The following RAPGEF6 variants were observed in gnomAD, a reference collection of about 807,000 sequenced individuals.
The protein encoded by RAPGEF6 is Rap guanine nucleotide exchange factor 6.
A neutral mutation model predicts 171.4 loss-of-function variants in RAPGEF6; 56 were observed. The ratio of observed to expected loss-of-function variants is 0.33; its 90% CI spans 0.26 to 0.41. RAPGEF6 has a LOEUF of 0.41. Ranked by LOEUF, RAPGEF6 falls within the 10% of genes least tolerant of loss-of-function variation. The pLI is 1.00. For missense variants in RAPGEF6, 1,674 were observed against 1,921.4 expected, an observed-to-expected ratio of 0.87 and a Z score of 2.41; for synonymous variants, 692 against 650.1, an observed-to-expected ratio of 1.06 and a Z score of -0.98.
intron 21 of RAPGEF6, among the ~76,000 whole-genome samples, chr5:131,451,481 T>G (rs1753068337): frequency 6.6e-6 from 1 of 151,542 alleles, no homozygotes; most frequent in Admixed American, 6.6e-5. Flanking sequence ...CCCAGTTACT[T>G]GGGAGGCTGA....
At chr5:131,537,732 A>G (rs1176904513) in intron 6 of RAPGEF6, among the ~76,000 whole-genome samples, 1 of 152,212 alleles carries the variant, frequency 6.6e-6, no homozygotes, top group Non-Finnish European at 1.5e-5. Context: ...CTCTGTGTCC[A>G]TGGGTTCTGT....
rs540781378 is a variant in RAPGEF6, at chr5:131,577,183, C to T, written c.282-15136G>A. ...TTGACCTTCCCACCTCTATACAGTC[C>T]GATAACGGACCGGCCTTCATTAGTC... is the stretch of plus-strand genomic sequence containing the variant. On this transcript the variant is annotated intron_variant, in intron 4 of 27. Coordinates refer to ENST00000509018, the MANE Select transcript of RAPGEF6 (RefSeq NM_016340.6). Among the ~76,000 whole-genome samples, 7 of 152,262 alleles carry T rather than the reference C, an allele frequency of 4.6e-5. No individual in the cohort carries two copies. In the East Asian group the frequency reaches 7.7e-4, roughly 17 times the overall value.
Position 131,566,092 on chromosome 5 carries a change from A to T in RAPGEF6, c.282-4045T>A, listed in dbSNP as rs182947890. 3.1e-3 allele frequency among the ~76,000 whole-genome samples: 469 copies of T among 151,974 alleles called. 1 individual carries two copies. The highest frequency in any genetic ancestry group is 0.011 in the African/African-American group (448 of 41,436). The stretch of plus-strand genomic sequence containing the variant: ...TGCCTGGGAGGTCCAGGCTGCAGTG[A>T]GCCATGAGCATGCCACTGCACTCCA... On this transcript the variant is annotated intron_variant, in intron 4 of 27. Transcript: ENST00000509018.
intron 16 of RAPGEF6, among the ~76,000 whole-genome samples, chr5:131,479,284 C>T (rs1238040723): frequency 2.0e-5 from 3 of 151,922 alleles, no homozygotes; most frequent in Non-Finnish European, 4.4e-5. Flanking sequence ...ATAAAATGGA[C>T]AGTCTTTCCC....
chr5:131,562,483 T>TA (rs58823053), intron 4 of RAPGEF6, among the ~76,000 whole-genome samples: 4,189 of 152,160 alleles, frequency 0.028, 207 homozygotes, highest in African/African-American at 0.095. Flanking sequence ...ATACTAAAAA[T>TA]AAAAAAACTT....
intron 7 of RAPGEF6, among the ~76,000 whole-genome samples, chr5:131,520,348 T>C (rs1758395761): frequency 6.6e-6 from 1 of 152,180 alleles, no homozygotes; most frequent in South Asian, 2.1e-4. Flanking sequence ...TTTTGATGAC[T>C]TAATATGCAA....
chr5:131,534,824 A>G (rs1283473489), intron 6 of RAPGEF6, among the ~76,000 whole-genome samples: 27 of 152,056 alleles, frequency 1.8e-4, no homozygotes, highest in Non-Finnish European at 4.4e-5. Flanking sequence ...GCAAGATTCA[A>G]GAATACCAAG....
chr5:131,496,991 G>C (rs1756681495), intron 12 of RAPGEF6, among the ~76,000 whole-genome samples: 1 of 151,784 alleles, frequency 6.6e-6, no homozygotes. Flanking sequence ...GGTGGGGGTG[G>C]GGAGGAGGGT....
intron 7 of RAPGEF6, among the ~76,000 whole-genome samples, chr5:131,515,016 GCAGA>G (rs1413622059): frequency 6.6e-6 from 1 of 152,100 alleles, no homozygotes; most frequent in Non-Finnish European, 1.5e-5. Flanking sequence ...ATTTGGTGAG[GCAGA>G]CAGTCTGAGG....
At chr5:131,482,567 T>A (rs534411225) in intron 15 of RAPGEF6, among the ~76,000 whole-genome samples, 4 of 152,262 alleles carry the variant, frequency 2.6e-5, no homozygotes, top group Non-Finnish European at 4.4e-5. Flanking sequence ...CCTCCCAAAG[T>A]GATGGGATTA....
chr5:131,562,681 G>A (rs1320232017), intron 4 of RAPGEF6, among the ~76,000 whole-genome samples: 1 of 151,954 alleles, frequency 6.6e-6, no homozygotes, highest in African/African-American at 2.4e-5. Context: ...CCTAATACAC[G>A]GGAAATGCTA....
chr5:131,500,319 A>C (rs574292683), intron 11 of RAPGEF6, among the ~76,000 whole-genome samples: 1 of 152,314 alleles, frequency 6.6e-6, no homozygotes, highest in African/African-American at 2.4e-5. Flanking sequence ...AAAACATTCT[A>C]AGCCTAAGAG....
In RAPGEF6 at chr5:131,427,271, C is replaced by A; in HGVS notation, c.4801G>T (p.Val1601Phe). 6.2e-7 allele frequency: 1 copy of A among 1,609,858 alleles called. No homozygotes were observed. The highest frequency in any genetic ancestry group is 8.5e-7 in the Non-Finnish European group (1 of 1,176,240). Residue 1601 changes from valine (V) to phenylalanine (F), a missense_variant, in exon 28 of 28, where the codon GTC (valine) becomes TTC (phenylalanine). By Grantham distance (50) the Val-to-Phe change is conservative. Transcript: ENST00000509018. ...TCAAATAGGTCATCCAAAGGCTAGA[C>A]TGCTGAAACTTGTTCATTTTCTGAA... ...EADENEQVSAV is the reference protein window; with the variant it reads ...EADENEQVSAF
At chr5:131,487,095 C>T (rs1755947626) in intron 15 of RAPGEF6, among the ~76,000 whole-genome samples, 1 of 152,188 alleles carries the variant, frequency 6.6e-6, no homozygotes, top group African/African-American at 2.4e-5. Flanking sequence ...TGCAGACCTT[C>T]ACGGTTGAGT....
chr5:131,535,382 T>G (rs1759697371), intron 6 of RAPGEF6, among the ~76,000 whole-genome samples: 1 of 152,174 alleles, frequency 6.6e-6, no homozygotes, highest in South Asian at 2.1e-4. Context: ...ATAACTAAAA[T>G]AAATGACTAG....
rs1336399226 is a variant in RAPGEF6, at chr5:131,504,753, T to A, written c.1127A>T (p.Tyr376Phe). 6.2e-7 allele frequency: 1 copy of A among 1,613,478 alleles called. No homozygotes were observed. The highest frequency in any genetic ancestry group is 8.5e-7 in the Non-Finnish European group (1 of 1,179,672). ...CQFVCIAQQD[Y>F]WRILNHVEKN... ...TTCCACATGGTTTAAAATTCTCCAA[T>A]AATCTTGCTGGGCTATGCAGACAAA... The change falls in exon 11 of 28, where the codon TAT (tyrosine) becomes TTT (phenylalanine). Residue 376 changes from tyrosine (Y) to phenylalanine (F), a missense_variant. Around this residue, in one of 3 missense-constraint regions of RAPGEF6, gnomAD observed 1,116 missense variants for 1,321.5 expected, o/e 0.84. Transcript: ENST00000509018.
intron 17 of RAPGEF6, among the ~76,000 whole-genome samples, chr5:131,470,365 G>C (rs2149845052): frequency 6.6e-6 from 1 of 152,254 alleles, no homozygotes; most frequent in South Asian, 2.1e-4. Context: ...TTATAGGTCT[G>C]AATTTCAGCT....
At chr5:131,530,204 G>GA (rs1053436570) in intron 6 of RAPGEF6, among the ~76,000 whole-genome samples, 75 of 147,534 alleles carry the variant, frequency 5.1e-4, no homozygotes, top group Middle Eastern at 3.5e-3. Context: ...ATTAACAAAG[G>GA]AAAAAAAAAG....
At chr5:131,573,027 T>A (rs1762396558) in intron 4 of RAPGEF6, among the ~76,000 whole-genome samples, 2 of 152,088 alleles carry the variant, frequency 1.3e-5, no homozygotes. Flanking sequence ...GTGCGACTCA[T>A]CCCAGACTTT....
Sources: allele counts gnomAD v4.1 joint callset (sites outside exome capture counted in the v4.1 genomes callset), GRCh38; gene constraint gnomAD v4.1.1; regional missense constraint gnomAD v4.1.1; transcripts MANE v1.5; gene names NCBI Gene and HGNC (gene_info 2026-07-23, HGNC 2026-07-21).